Variants in IGF2BP3 observed in about 807,000 individuals in gnomAD.
IGF2BP3 encodes the protein insulin like growth factor 2 mRNA binding protein 3.
A neutral mutation model predicts 73.8 loss-of-function variants in IGF2BP3; 9 were observed. That is an observed-to-expected ratio of 0.12 (90% confidence interval 0.07 to 0.21). IGF2BP3 has a LOEUF of 0.21. Among genes scored for constraint, IGF2BP3 ranks in the 10% least tolerant of loss-of-function variants. The probability of loss-of-function intolerance (pLI) is 1.00; values close to 1 mark genes in which losing one functional copy is unlikely to be tolerated. For missense variants in IGF2BP3, 542 were observed against 714.0 expected, an observed-to-expected ratio of 0.76 and a Z score of 2.75; for synonymous variants, 258 against 256.7, an observed-to-expected ratio of 1.01 and a Z score of -0.05.
At chr7:23,467,225 T>C (rs1213384240) in intron 2 of IGF2BP3, among the ~76,000 whole-genome samples, 1 of 152,132 alleles carries the variant, frequency 6.6e-6, no homozygotes, top group Non-Finnish European at 1.5e-5. Flanking sequence ...AAAACAAGAT[T>C]TGTGAAAATG....
intron 10 of IGF2BP3, among the ~76,000 whole-genome samples, chr7:23,327,278 ATTTTT>A (rs11332587): frequency 1.1e-5 from 1 of 92,856 alleles, no homozygotes. Context: ...CTAATTTCTA[ATTTTT>A]TTTTTTTTTT....
intron 5 of IGF2BP3, among the ~76,000 whole-genome samples, chr7:23,359,928 G>A (rs1182876526): frequency 6.6e-6 from 1 of 151,724 alleles, no homozygotes; most frequent in Non-Finnish European, 1.5e-5. Context: ...TTTCTATAAT[G>A]TCCGAGACCT....
chr7:23,316,590 G>A (rs1055207767), intron 12 of IGF2BP3, among the ~76,000 whole-genome samples: 1 of 149,214 alleles, frequency 6.7e-6, no homozygotes, highest in Non-Finnish European at 1.5e-5. Context: ...CAGGAGAATC[G>A]CTTGAACCCA....
At chr7:23,392,910 C>T (rs1786331191) in intron 3 of IGF2BP3, among the ~76,000 whole-genome samples, 1 of 152,260 alleles carries the variant, frequency 6.6e-6, no homozygotes, top group East Asian at 1.9e-4. Context: ...TGATTACAGG[C>T]ATGAGCCACT....
At chr7:23,333,782 A>G (rs1784500519) in intron 10 of IGF2BP3, among the ~76,000 whole-genome samples, 1 of 152,254 alleles carries the variant, frequency 6.6e-6, no homozygotes, top group Admixed American at 6.5e-5. Context: ...AGAATGACAG[A>G]CAATGATGTG....
chr7:23,357,463 A>G (rs1328398833), intron 5 of IGF2BP3, among the ~76,000 whole-genome samples: 5 of 152,144 alleles, frequency 3.3e-5, no homozygotes, highest in Non-Finnish European at 7.4e-5. Flanking sequence ...GGATAACCCC[A>G]AACAAAAGAA....
intron 3 of IGF2BP3, among the ~76,000 whole-genome samples, chr7:23,412,009 G>GTTTTTTTTTTTTTTTTTTTTTTTTTGTT (rs1787040503): frequency 1.0e-5 from 1 of 96,412 alleles, no homozygotes; most frequent in Non-Finnish European, 1.9e-5. Context: ...TTTTTTTTCA[G>GTTTTTTTTTTTTTTTTTTTTTTTTTGTT]TAGAGTCTCG....
intron 3 of IGF2BP3, among the ~76,000 whole-genome samples, chr7:23,383,657 C>G (rs886611073): frequency 6.6e-6 from 1 of 152,164 alleles, no homozygotes; most frequent in Non-Finnish European, 1.5e-5. Flanking sequence ...AATGAAAACA[C>G]ATGTTCACAC....
Position 23,470,204 on chromosome 7 carries a change from C to G in IGF2BP3, c.-94G>C. 1 of 963,554 alleles carries G rather than the reference C, an allele frequency of 1.0e-6. No homozygotes were observed. Among genetic ancestry groups the G allele is most frequent in the South Asian group, 1.7e-5 (1 of 57,918 alleles). The allele number at this position is 963,554 out of a possible 1,614,324, so 59.7% of individuals were successfully genotyped here. A position where few individuals can be genotyped will look rare whatever the true frequency, so the allele number is the denominator to read the frequency against. On this transcript the variant is annotated 5_prime_UTR_variant, in exon 1 of 15. Coordinates refer to ENST00000258729, the MANE Select transcript of IGF2BP3 (RefSeq NM_006547.3). ...GATGGATCCAGCTGGTTTTGTTCCCCTCGTCTTCTCGCCTTTAAAATACAC... is the reference window on the plus strand; with the variant it reads ...GATGGATCCAGCTGGTTTTGTTCCCGTCGTCTTCTCGCCTTTAAAATACAC...
In IGF2BP3 at chr7:23,430,117, G is replaced by A. The variant is rs1312509122; in HGVS notation, c.237-11293C>T. On this transcript the variant is annotated intron_variant, in intron 2 of 14. Transcript: ENST00000258729. Reference sequence around the variant, plus strand: ...TTTTTTTTTTTTGAGATGGAATCTCGCTGTCACCCAGGCTGGAGTGCAGTG... The same window carrying A: ...TTTTTTTTTTTTGAGATGGAATCTCACTGTCACCCAGGCTGGAGTGCAGTG... Among the ~76,000 whole-genome samples, 4 of 140,066 alleles carry A rather than the reference G, an allele frequency of 2.9e-5. No individual in the cohort carries two copies. In the Admixed American group the frequency reaches 3.0e-4, roughly 11 times the overall value. The allele number at this position is 140,066 out of a possible 152,430, so 91.9% of individuals were successfully genotyped here. A position where few individuals can be genotyped will look rare whatever the true frequency, so the allele number is the denominator to read the frequency against.
intron 5 of IGF2BP3, among the ~76,000 whole-genome samples, chr7:23,355,095 C>T (rs980090389): frequency 6.6e-6 from 1 of 152,076 alleles, no homozygotes; most frequent in African/African-American, 2.4e-5. Context: ...CCAAACCCAC[C>T]GTAGATGCAA....
intron 2 of IGF2BP3, among the ~76,000 whole-genome samples, chr7:23,465,269 C>A (rs1788539448): frequency 6.6e-6 from 1 of 152,198 alleles, no homozygotes; most frequent in Non-Finnish European, 1.5e-5. Context: ...ACTTCGGAGT[C>A]AAAGTCTTCA....
At chr7:23,423,117 G>A (rs1202759858) in intron 2 of IGF2BP3, among the ~76,000 whole-genome samples, 1 of 152,180 alleles carries the variant, frequency 6.6e-6, no homozygotes, top group Non-Finnish European at 1.5e-5. Flanking sequence ...TTTCCCATTT[G>A]CTCAGTAACT....
intron 2 of IGF2BP3, among the ~76,000 whole-genome samples, chr7:23,421,482 C>T (rs1216352551): frequency 6.6e-6 from 1 of 151,482 alleles, no homozygotes; most frequent in Non-Finnish European, 1.5e-5. Context: ...CACCTGAGGT[C>T]AGAAGTTCGA....
intron 3 of IGF2BP3, among the ~76,000 whole-genome samples, chr7:23,368,897 C>CAA (rs201937406): frequency 5.7e-5 from 7 of 122,408 alleles, no homozygotes; most frequent in African/African-American, 1.7e-4. Flanking sequence ...AACTTTGTCT[C>CAA]AAAAAAAAAA....
intron 2 of IGF2BP3, among the ~76,000 whole-genome samples, chr7:23,453,974 G>T (rs896907276): frequency 3.3e-5 from 5 of 152,204 alleles, no homozygotes; most frequent in Middle Eastern, 3.4e-3. Context: ...CTACAGGCAC[G>T]CACCACCATG....
intron 10 of IGF2BP3, among the ~76,000 whole-genome samples, chr7:23,337,568 G>C (rs968732125): frequency 2.0e-5 from 3 of 152,348 alleles, no homozygotes; most frequent in Admixed American, 1.3e-4. Flanking sequence ...CCCTCACACA[G>C]GGATTGTCTC....
intron 2 of IGF2BP3, among the ~76,000 whole-genome samples, chr7:23,454,133 TAC>T (rs1788262951): frequency 6.6e-6 from 1 of 152,222 alleles, no homozygotes; most frequent in African/African-American, 2.4e-5. Context: ...TATCTTTTTG[TAC>T]ACAGACTGAC....
intron 2 of IGF2BP3, among the ~76,000 whole-genome samples, chr7:23,453,984 G>C (rs1250913215): frequency 6.6e-6 from 1 of 152,168 alleles, no homozygotes; most frequent in Admixed American, 6.5e-5. Flanking sequence ...GCACCACCAT[G>C]CCTGGCTAAT....
Sources: gnomAD v4.1 joint callset for allele counts (sites outside exome capture counted in the v4.1 genomes callset) on GRCh38, gnomAD v4.1.1 for gene constraint, MANE v1.5 for transcripts, NCBI Gene and HGNC (gene_info 2026-07-23, HGNC 2026-07-21) for gene names.